The following EPB41L4A variants were observed in gnomAD, a reference collection of about 807,000 sequenced individuals.
EPB41L4A encodes erythrocyte membrane protein band 4.1 like 4A.
EPB41L4A carries 100 observed loss-of-function variants against 108.6 expected under a neutral mutation model. That is an observed-to-expected ratio of 0.92 (90% CI 0.78 to 1.09). The LOEUF is 1.09. Among genes scored for constraint, EPB41L4A ranks in the 50% least tolerant of loss-of-function variants. The pLI is 0.00. For missense variants in EPB41L4A, 1,030 were observed against 842.7 expected, an observed-to-expected ratio of 1.22 and a Z score of -2.75; for synonymous variants, 319 against 289.0, an observed-to-expected ratio of 1.10 and a Z score of -1.05.
At chr5:112,350,082 A>T (rs1357287912) in intron 1 of EPB41L4A, among the ~76,000 whole-genome samples, 1 of 152,260 alleles carries the variant, frequency 6.6e-6, no homozygotes, top group Non-Finnish European at 1.5e-5. Context: ...GCCGCTAGCC[A>T]CACATGTCTA....
chr5:112,213,025 A>C (rs1747324657), intron 12 of EPB41L4A, among the ~76,000 whole-genome samples: 1 of 152,248 alleles, frequency 6.6e-6, no homozygotes, highest in Non-Finnish European at 1.5e-5. Flanking sequence ...ATATTTGCTT[A>C]AAGAAAGCAA....
intron 1 of EPB41L4A, among the ~76,000 whole-genome samples, chr5:112,333,033 T>C (rs1250417380): frequency 6.6e-6 from 1 of 152,190 alleles, no homozygotes; most frequent in Non-Finnish European, 1.5e-5. Context: ...ATTTAAGATA[T>C]TATAGAGTTC....
chr5:112,228,923 G>A (rs1055292221), intron 12 of EPB41L4A: 2 of 161,180 alleles, frequency 1.2e-5, no homozygotes, highest in African/African-American at 4.8e-5. Context: ...TCATAAAGGT[G>A]CCAGGGCCTG....
chr5:112,358,921 T>C (rs1389236414), intron 1 of EPB41L4A, among the ~76,000 whole-genome samples: 1 of 152,138 alleles, frequency 6.6e-6, no homozygotes, highest in African/African-American at 2.4e-5. Flanking sequence ...CAATGCTAGG[T>C]GAAAGAAAAC....
chr5:112,327,402 C>A (rs993762283), intron 1 of EPB41L4A, among the ~76,000 whole-genome samples: 9 of 152,122 alleles, frequency 5.9e-5, no homozygotes, highest in Admixed American at 5.9e-4. Context: ...GTAAGACATA[C>A]CTGTTTCTCT....
chr5:112,169,580 A>G (rs1295398697), intron 20 of EPB41L4A, among the ~76,000 whole-genome samples: 2 of 152,244 alleles, frequency 1.3e-5, no homozygotes, highest in South Asian at 2.1e-4. Flanking sequence ...TGATAGATAC[A>G]TTAGCTTGAC....
intron 1 of EPB41L4A, among the ~76,000 whole-genome samples, chr5:112,313,803 A>G (rs1290995912): frequency 6.7e-6 from 1 of 150,230 alleles, no homozygotes; most frequent in Non-Finnish European, 1.5e-5. Flanking sequence ...TTTGTATACT[A>G]TATTTACATA....
chr5:112,407,759 A>G (rs1762154445), intron 1 of EPB41L4A, among the ~76,000 whole-genome samples: 1 of 152,224 alleles, frequency 6.6e-6, no homozygotes, highest in Non-Finnish European at 1.5e-5. Flanking sequence ...AAAGTTTTGG[A>G]AGTCTAAATA....
chr5:112,346,679 C>A (rs561143830), intron 1 of EPB41L4A, among the ~76,000 whole-genome samples: 12 of 152,266 alleles, frequency 7.9e-5, no homozygotes, highest in African/African-American at 2.9e-4. Context: ...AACATGGCAA[C>A]CATAGACCAC....
intron 3 of EPB41L4A, among the ~76,000 whole-genome samples, chr5:112,279,433 C>T (rs1213459262): frequency 6.6e-5 from 10 of 152,120 alleles, no homozygotes; most frequent in Non-Finnish European, 1.3e-4. Context: ...CAATAATTCA[C>T]ACAGTTCAGC....
At chr5:112,203,980 A>C (rs1039592028) in intron 15 of EPB41L4A, among the ~76,000 whole-genome samples, 1 of 152,008 alleles carries the variant, frequency 6.6e-6, no homozygotes, top group Non-Finnish European at 1.5e-5. Flanking sequence ...CGGAGGTTGC[A>C]GTGAGCTGAG....
chr5:112,247,073 T>C (rs972993792), intron 9 of EPB41L4A, among the ~76,000 whole-genome samples: 3 of 152,236 alleles, frequency 2.0e-5, no homozygotes, highest in Non-Finnish European at 4.4e-5. Flanking sequence ...CTATGATGTA[T>C]ACACAATGAC....
At chr5:112,235,393 T>C (rs1379644225) in intron 11 of EPB41L4A, among the ~76,000 whole-genome samples, 2 of 152,184 alleles carry the variant, frequency 1.3e-5, no homozygotes, top group African/African-American at 2.4e-5. Context: ...GTGATTTAGT[T>C]TGCTGGATTT....
chr5:112,308,371 T>C (rs188444477), intron 1 of EPB41L4A, among the ~76,000 whole-genome samples: 37 of 152,296 alleles, frequency 2.4e-4, no homozygotes, highest in Admixed American at 1.8e-3. Flanking sequence ...TTTATCCACA[T>C]ATGGTGAGCA....
downstream of EPB41L4A, chr5:112,161,605 ATAAG>A (rs1759908522): frequency 3.9e-6 from 2 of 519,094 alleles, no homozygotes; most frequent in African/African-American, 1.9e-5. Flanking sequence ...TAGGAGCTGC[ATAAG>A]TAACAGTTGC....
At chr5:112,332,853 T>C (rs1756655583) in intron 1 of EPB41L4A, among the ~76,000 whole-genome samples, 1 of 152,338 alleles carries the variant, frequency 6.6e-6, no homozygotes, top group African/African-American at 2.4e-5. Flanking sequence ...TGGCTATTTA[T>C]AAATAGTAAA....
intron 3 of EPB41L4A, among the ~76,000 whole-genome samples, chr5:112,278,112 C>A (rs572153237): frequency 6.6e-6 from 1 of 152,292 alleles, no homozygotes; most frequent in South Asian, 2.1e-4. Flanking sequence ...TTTATAGATT[C>A]TCTTTCTGAC....
rs114966864 is a variant in EPB41L4A, at chr5:112,262,725, C to G, written c.555-144G>C. The G allele has an allele frequency of 7.8e-3, 5,302 of 681,352 alleles. 30 individuals are homozygous for G. The highest frequency in any genetic ancestry group is 0.013 in the African/African-American group (729 of 54,924). 42.2% of individuals were successfully genotyped at this position (681,352 alleles called of 1,614,324 possible). On this transcript the variant is annotated intron_variant, in intron 6 of 22. Coordinates refer to ENST00000261486, the MANE Select transcript of EPB41L4A (RefSeq NM_022140.5). ...CTTAAGTCCTTGTATTTCAAGAAGG[C>G]CTTTGCTTCTTGGTGACAAAATTTT...
rs115263273 is a variant in EPB41L4A at position 112,143,870 on chromosome 5, C to A, written n.1123G>T. 8.2e-4 allele frequency: 376 copies of A among 455,810 alleles called. 2 individuals are homozygous for A. The highest frequency in any genetic ancestry group is 6.5e-3 in the African/African-American group (328 of 50,158). The allele number at this position is 455,810 out of a possible 1,614,324, so 28.2% of individuals were successfully genotyped here. A position where few individuals can be genotyped will look rare whatever the true frequency, so the allele number is the denominator to read the frequency against. ...TGACCCTGTATAAACAGGGAGAAAGCAGAGTCTGCACTGAAGACATAGAAA... is the reference window on the plus strand; with the variant it reads ...TGACCCTGTATAAACAGGGAGAAAGAAGAGTCTGCACTGAAGACATAGAAA... On this transcript the variant is annotated non_coding_transcript_exon_variant, in exon 14 of 14. Coordinates refer to the EPB41L4A transcript ENST00000507810.
Sources: allele counts gnomAD v4.1 joint callset (sites outside exome capture counted in the v4.1 genomes callset), GRCh38; gene constraint gnomAD v4.1.1; transcripts MANE v1.5; gene names NCBI Gene and HGNC (gene_info 2026-07-23, HGNC 2026-07-21).